The following SNX5 variants were observed in gnomAD, a reference collection of about 807,000 sequenced individuals.
The protein encoded by SNX5 is sorting nexin 5.
Under a neutral mutation model 53.9 loss-of-function variants are expected in SNX5, and 31 were observed. The observed-to-expected ratio is 0.58, with a 90% CI of 0.43 to 0.78. The LOEUF (loss-of-function observed/expected upper bound fraction) is 0.78. SNX5 is among the 30% of genes least tolerant of loss of function. The pLI is 0.00. For synonymous variants in SNX5, 168 were observed against 171.1 expected (o/e 0.98, Z 0.14); for missense variants, 471 against 478.8 (o/e 0.98, Z 0.15).
rs768340505 is a variant in SNX5 at position 17,950,129 on chromosome 20, T to TA, written c.791+2dup. On this transcript the variant is annotated splice_region_variant and intron_variant, in intron 8 of 12. Coordinates refer to ENST00000377759, the MANE Select transcript of SNX5 (RefSeq NM_014426.4). ...GGGGAAATGCTTTTCCAAAAAAACTTACTTTTTGATGACTGTGGGCTCTTC... is the reference window on the plus strand; with the variant it reads ...GGGGAAATGCTTTTCCAAAAAAACTTAACTTTTTGATGACTGTGGGCTCTTC... The TA allele has an allele frequency of 6.2e-7, 1 of 1,614,016 alleles. No homozygotes were observed. The highest frequency in any genetic ancestry group is 1.7e-5 in the Admixed American group (1 of 60,018).
chr20:17,947,106 T>C (rs887453227), intron 11 of SNX5: 1 of 174,724 alleles, frequency 5.7e-6, no homozygotes, highest in Non-Finnish European at 1.2e-5. Flanking sequence ...CTGGATCTTG[T>C]AGAGGACATC....
rs1350116173 is a variant in SNX5 at position 17,951,542 on chromosome 20, A to C, written c.567T>G (p.Ser189Arg). The change falls in exon 6 of 13, where the codon AGT (serine) becomes AGG (arginine). Residue 189 changes from serine to arginine, a missense_variant. Ser to Arg is a moderately radical substitution (Grantham distance 110, BLOSUM62 -1). Transcript: ENST00000377759. ...GGACTTCATCAGCACTTTTCACCAC[A>C]CTTTTGAAGAAGCCACCAAACATCT... ...TKEMFGGFFK[S>R]VVKSADEVLF... 11 of 1,612,342 alleles carry C rather than the reference A, an allele frequency of 6.8e-6. No homozygotes were observed. The highest frequency in any genetic ancestry group is 1.3e-5 in the African/African-American group (1 of 74,882).
chr20:17,961,479 C>G, intron 1 of SNX5: 2 of 985,342 alleles, frequency 2.0e-6, no homozygotes, highest in Non-Finnish European at 2.4e-6. Flanking sequence ...AATCTCTGAT[C>G]TGTTAGATTG....
chr20:17,956,830 C>A (rs77090944), intron 2 of SNX5, 103 bp downstream of exon 2: 2 of 708,174 alleles, frequency 2.8e-6, no homozygotes, highest in Non-Finnish European at 5.2e-6. Flanking sequence ...TGCTACCCTA[C>A]GAATAGCAAC....
At chr20:17,946,916 G>A (rs1190661710) in intron 11 of SNX5, among the ~76,000 whole-genome samples, 2 of 152,128 alleles carry the variant, frequency 1.3e-5, no homozygotes, top group African/African-American at 4.8e-5. Context: ...CCCAATAAGG[G>A]CATATTACTT....
At chr20:17,943,292 T>C (rs776760100) in intron 11 of SNX5, 97 bp from the exon 12 acceptor site, 52 of 797,054 alleles carry the variant, frequency 6.5e-5, no homozygotes, top group Non-Finnish European at 1.1e-4. Context: ...TGGTCTCCAA[T>C]GCTTTCAGGC....
In SNX5 at chr20:17,968,723, C is replaced by A; in HGVS notation, c.-298G>T. 2.3e-6 allele frequency: 1 copy of A among 431,824 alleles called. No individual in the cohort carries two copies. Among genetic ancestry groups the A allele is most frequent in the South Asian group, 2.7e-5 (1 of 37,052 alleles). 26.7% of individuals were successfully genotyped at this position (431,824 alleles called of 1,614,324 possible). A position where few individuals can be genotyped will look rare whatever the true frequency, so the allele number is the denominator to read the frequency against. ...ACCCTTGCTCCGCTCCACGAGGAGG[C>A]CGCCAACCGCAGGGCCGCGACACGG... On this transcript the variant is annotated 5_prime_UTR_variant, in exon 1 of 13. Coordinates refer to ENST00000377759, the MANE Select transcript of SNX5 (RefSeq NM_014426.4).
intron 11 of SNX5, chr20:17,943,991 C>T (rs552237075): frequency 7.2e-5 from 11 of 152,330 alleles, no homozygotes; most frequent in African/African-American, 2.6e-4. Flanking sequence ...AGTATAGATA[C>T]ATTATACTAT....
At chr20:17,947,011 C>A (rs2039496110) in intron 11 of SNX5, 3 of 152,402 alleles carry the variant, frequency 2.0e-5, no homozygotes, top group Admixed American at 6.5e-5. Context: ...AAGAGATTCT[C>A]TAAAAAGACT....
Position 17,956,916 on chromosome 20 carries a change from C to A in SNX5, c.156+17G>T, listed in dbSNP as rs773448280. The A allele has an allele frequency of 1.6e-6, 2 of 1,258,252 alleles. No individual in the cohort carries two copies. The highest frequency in any genetic ancestry group is 2.9e-5 in the African/African-American group (2 of 67,940). The allele number at this position is 1,258,252 out of a possible 1,614,324, so 77.9% of individuals were successfully genotyped here. A position where few individuals can be genotyped will look rare whatever the true frequency, so the allele number is the denominator to read the frequency against. On this transcript the variant is annotated intron_variant, in intron 2 of 12. Transcript: ENST00000377759. ...TGCAACCTAGCACTGTATGTATTAC[C>A]ACTGCATGTTACTTACCTTTGTGTG...
intron 1 of SNX5, among the ~76,000 whole-genome samples, chr20:17,964,257 A>T (rs1033311596): frequency 4.3e-4 from 66 of 152,336 alleles, no homozygotes; most frequent in African/African-American, 1.5e-3. Flanking sequence ...CTGGATTTGT[A>T]TTCCTCACCA....
intron 10 of SNX5, among the ~76,000 whole-genome samples, chr20:17,948,202 G>C (rs1278298765): frequency 4.6e-5 from 7 of 152,212 alleles, no homozygotes; most frequent in African/African-American, 7.2e-5. Flanking sequence ...AATAATAACT[G>C]ATGGGTGAAA....
chr20:17,953,233 G>A (rs1232638862), intron 4 of SNX5, among the ~76,000 whole-genome samples: 3 of 152,188 alleles, frequency 2.0e-5, no homozygotes, highest in Non-Finnish European at 4.4e-5. Flanking sequence ...TTCAGGGCCT[G>A]GAGGTTTGAG....
chr20:17,953,596 C>G (rs1449192057), intron 4 of SNX5, among the ~76,000 whole-genome samples: 1 of 152,124 alleles, frequency 6.6e-6, no homozygotes, highest in East Asian at 1.9e-4. Flanking sequence ...CGGGGCAACA[C>G]ATGACGAAAC....
intron 1 of SNX5, chr20:17,961,303 A>G: frequency 2.0e-6 from 2 of 985,448 alleles, no homozygotes; most frequent in Non-Finnish European, 2.4e-6. Flanking sequence ...AATGGCTTAC[A>G]GAGGGCAAAG....
At chr20:17,959,434 A>G (rs952135531) in intron 1 of SNX5, among the ~76,000 whole-genome samples, 2 of 152,196 alleles carry the variant, frequency 1.3e-5, no homozygotes, top group African/African-American at 4.8e-5. Flanking sequence ...GTTATGAGTG[A>G]CTGCAACCAC....
chr20:17,948,571 C>T lies in SNX5; in HGVS notation c.918+319G>A, dbSNP rs74528660. Among the ~76,000 whole-genome samples, 1,459 of 152,310 alleles carry T rather than the reference C, an allele frequency of 9.6e-3. 16 individuals carry two copies. The highest frequency in any genetic ancestry group is 0.033 in the African/African-American group (1,372 of 41,556). ...CCATTTTGTCCACATATACATATAACGCTTCACGGCTCAAAGGCTGCAGGG... is the reference window on the plus strand; with the variant it reads ...CCATTTTGTCCACATATACATATAATGCTTCACGGCTCAAAGGCTGCAGGG... On this transcript the variant is annotated intron_variant, in intron 10 of 12. Transcript: ENST00000377759.
At chr20:17,956,328 C>T (rs2122389581) in intron 2 of SNX5, among the ~76,000 whole-genome samples, 1 of 152,206 alleles carries the variant, frequency 6.6e-6, no homozygotes, top group East Asian at 1.9e-4. Context: ...TCAAGCCGCC[C>T]AGGCGTTAAG....
intron 1 of SNX5, among the ~76,000 whole-genome samples, chr20:17,967,213 G>A (rs936818332): frequency 6.6e-6 from 1 of 151,802 alleles, no homozygotes; most frequent in African/African-American, 2.4e-5. Context: ...GTACCAGAAA[G>A]AAAGAAAAAA....
Sources: allele counts gnomAD v4.1 joint callset (sites outside exome capture counted in the v4.1 genomes callset), GRCh38; gene constraint gnomAD v4.1.1; transcripts MANE v1.5; gene names NCBI Gene and HGNC (gene_info 2026-07-23, HGNC 2026-07-21).